The following CYP4X1 variants were observed in gnomAD, a reference collection of about 807,000 sequenced individuals.
CYP4X1 encodes cytochrome P450 family 4 subfamily X member 1.
A neutral mutation model predicts 57.9 loss-of-function variants in CYP4X1; 44 were observed. The ratio of observed to expected loss-of-function variants is 0.76; its 90% CI spans 0.60 to 0.98. CYP4X1 has a LOEUF of 0.98. Ranked by LOEUF, CYP4X1 falls within the 50% of genes least tolerant of loss-of-function variation. The pLI is 0.00. For synonymous variants in CYP4X1, 227 were observed against 228.6 expected (o/e 0.99, Z 0.06); for missense variants, 532 against 623.9 (o/e 0.85, Z 1.57).
chr1:47,031,901 G>T (rs1191551796), intron 3 of CYP4X1, among the ~76,000 whole-genome samples: 1 of 152,080 alleles, frequency 6.6e-6, no homozygotes, highest in Non-Finnish European at 1.5e-5. Flanking sequence ...AATTAGCCAG[G>T]CATGGTAGCA....
chr1:46,965,231 G>GAATTGGCT, the CYP4X1 span, among the ~76,000 whole-genome samples: 1 of 152,158 alleles, frequency 6.6e-6, no homozygotes, highest in African/African-American at 2.4e-5. Context: ...TGCTCGGTGT[G>GAATTGGCT]CTGCACCCAC....
the CYP4X1 span, among the ~76,000 whole-genome samples, chr1:47,003,722 G>A: frequency 6.6e-6 from 1 of 152,058 alleles, no homozygotes; most frequent in Admixed American, 6.6e-5. Context: ...CTATTGTGAG[G>A]ACAGCACCAA....
Position 47,033,260 on chromosome 1 carries a change from A to C in CYP4X1, c.384A>C (p.Leu128=). The C allele has an allele frequency of 6.2e-7, 1 of 1,613,726 alleles. No homozygotes were observed. Among genetic ancestry groups the C allele is most frequent in the Middle Eastern group, 1.7e-4 (1 of 6,054 alleles). Residue 128 remains leucine (L), a synonymous_variant, in exon 4 of 12, where the codon CTA becomes CTC. Coordinates refer to ENST00000371901, the MANE Select transcript of CYP4X1 (RefSeq NM_178033.2). ...CTCAAGGAAAAGGACTAGCGGCTCTAGACGGACCCAAGTGGTTCCAGCATC... is the reference window on the plus strand; with the variant it reads ...CTCAAGGAAAAGGACTAGCGGCTCTCGACGGACCCAAGTGGTTCCAGCATC... ...PPLLGKGLAA[L]DGPKWFQHRR...
intron 9 of CYP4X1, 124 bp downstream of exon 9, chr1:47,046,724 G>C: frequency 7.1e-7 from 1 of 1,407,792 alleles, no homozygotes; most frequent in Non-Finnish European, 9.7e-7. Flanking sequence ...ATGTGACTTA[G>C]GTTTTATCAC....
At chr1:47,048,234 C>G (rs570316343) in intron 9 of CYP4X1, among the ~76,000 whole-genome samples, 1 of 152,120 alleles carries the variant, frequency 6.6e-6, no homozygotes, top group Non-Finnish European at 1.5e-5. Flanking sequence ...GATTGACAGG[C>G]CAGACCCTGA....
At chr1:46,980,793 T>C in the CYP4X1 span, among the ~76,000 whole-genome samples, 1 of 152,062 alleles carries the variant, frequency 6.6e-6, no homozygotes, top group Admixed American at 6.5e-5. Context: ...TATAGATCAA[T>C]GGAACAGAAC....
chr1:46,994,788 T>C, the CYP4X1 span, among the ~76,000 whole-genome samples: 1 of 152,180 alleles, frequency 6.6e-6, no homozygotes, highest in African/African-American at 2.4e-5. Flanking sequence ...ACACCTACTA[T>C]GTGCCAGGCA....
rs1644032328 is a variant in CYP4X1, at chr1:47,023,999, A to G, written c.177+5A>G. Reference sequence around the variant, plus strand: ...TGGTTCCTTGGGCACCAGAAGGTAGATGGGAGGGAGGAGGGAGGAAGGAGG... The same window carrying G: ...TGGTTCCTTGGGCACCAGAAGGTAGGTGGGAGGGAGGAGGGAGGAAGGAGG... On this transcript the variant is annotated splice_donor_5th_base_variant and intron_variant, in intron 1 of 11. Transcript: ENST00000371901. 1 of 1,610,320 alleles carries G rather than the reference A, an allele frequency of 6.2e-7. No individual in the cohort carries two copies. Among genetic ancestry groups the G allele is most frequent in the East Asian group, 2.2e-5 (1 of 44,782 alleles).
At chr1:47,045,515 T>G (rs1011510205) in intron 8 of CYP4X1, among the ~76,000 whole-genome samples, 1 of 152,204 alleles carries the variant, frequency 6.6e-6, no homozygotes, top group African/African-American at 2.4e-5. Context: ...TTTCAAATAC[T>G]TATCCACTTG....
Position 47,036,079 on chromosome 1 carries a change from A to AT in CYP4X1, c.683_684insT (p.Ser229GlnfsTer7). The AT allele has an allele frequency of 6.2e-7, 1 of 1,613,822 alleles. No homozygotes were observed. The highest frequency in any genetic ancestry group is 8.5e-7 in the Non-Finnish European group (1 of 1,179,836). ...AGCAAAATCATATTTCACCGCTTGT[A>AT]CAGTTTGTTGTATCACAGTGACATA... On this transcript the variant is annotated frameshift_variant, in exon 6 of 12. Coordinates refer to ENST00000371901, the MANE Select transcript of CYP4X1 (RefSeq NM_178033.2). LOFTEE classifies it high-confidence loss of function.
rs1557599873 is a variant in CYP4X1, at chr1:47,023,939, G to C, written c.122G>C (p.Arg41Pro). 1 of 1,613,356 alleles carries C rather than the reference G, an allele frequency of 6.2e-7. No homozygotes were observed. Among genetic ancestry groups the C allele is most frequent in the Non-Finnish European group, 8.5e-7 (1 of 1,179,946 alleles). ...KLYLRRQRLL[R>P]DLRPFPAPPT... Reference sequence around the variant, plus strand: ...TACCTGCGGAGGCAGCGGCTGCTGCGGGACCTGCGCCCCTTCCCAGCGCCC... The same window carrying C: ...TACCTGCGGAGGCAGCGGCTGCTGCCGGACCTGCGCCCCTTCCCAGCGCCC... The change falls in exon 1 of 12, where the codon CGG becomes CCG. Residue 41 changes from arginine (R) to proline (P), a missense_variant. Physicochemically the swap from Arg to Pro is moderately radical, Grantham distance 103. Transcript: ENST00000371901.
chr1:47,041,010 T>C (rs1644241210), intron 8 of CYP4X1, among the ~76,000 whole-genome samples: 1 of 152,118 alleles, frequency 6.6e-6, no homozygotes, highest in African/African-American at 2.4e-5. Flanking sequence ...AGTTTAATGT[T>C]TTAGATTTCC....
rs1644141800 is a variant in CYP4X1, at chr1:47,033,183, C to T, written c.365-58C>T. The T allele has an allele frequency of 2.5e-6, 4 of 1,578,220 alleles. No homozygotes were observed. The South Asian group carries it at 3.6e-5, about 14-fold the overall frequency. ...ACTCCACGCTGCCTGTGTTCCTCAT[C>T]TATCCTTCATCTCATCTAATTAAAT... On this transcript the variant is annotated intron_variant, in intron 3 of 11. Transcript: ENST00000371901.
chr1:46,983,844 G>A, the CYP4X1 span, among the ~76,000 whole-genome samples: 1 of 152,158 alleles, frequency 6.6e-6, no homozygotes, highest in Admixed American at 6.5e-5. Flanking sequence ...GGTGGGGAGT[G>A]GGGTGGCTTC....
At chr1:47,022,847 G>C (rs1039306103), upstream of CYP4X1, among the ~76,000 whole-genome samples, 1 of 152,204 alleles carries the variant, frequency 6.6e-6, no homozygotes, top group African/African-American at 2.4e-5. Context: ...TGCCTATAAA[G>C]ATTGCTGGGA....
the CYP4X1 span, among the ~76,000 whole-genome samples, chr1:46,978,310 A>G: frequency 2.1e-3 from 316 of 152,230 alleles, 2 homozygotes; most frequent in South Asian, 6.2e-3. Flanking sequence ...AGCAAAAAAA[A>G]GGCAGGGGTT....
the CYP4X1 span, chr1:46,967,769 C>A: frequency 7.4e-7 from 1 of 1,343,008 alleles, no homozygotes; most frequent in Non-Finnish European, 9.9e-7. Context: ...GGTATGCCGA[C>A]CGGGATCCTG....
At chr1:47,046,688 T>C (rs1224409308) in intron 9 of CYP4X1, 88 bp downstream of exon 9, 1 of 1,577,542 alleles carries the variant, frequency 6.3e-7, no homozygotes, top group East Asian at 2.2e-5. Context: ...TCTTAGCACT[T>C]GGAGAAGTCA....
chr1:46,989,579 G>C, the CYP4X1 span, among the ~76,000 whole-genome samples: 3 of 152,136 alleles, frequency 2.0e-5, no homozygotes, highest in Non-Finnish European at 4.4e-5. Flanking sequence ...CCAAAAAAGA[G>C]CCCACATAGA....
Sources: allele counts gnomAD v4.1 joint callset (sites outside exome capture counted in the v4.1 genomes callset), GRCh38; gene constraint gnomAD v4.1.1; transcripts MANE v1.5; gene names NCBI Gene and HGNC (gene_info 2026-07-23, HGNC 2026-07-21).